Variants in SPAG16 observed in about 807,000 individuals in gnomAD.
SPAG16 encodes the protein sperm associated antigen 16, also known as sperm-associated antigen 16 protein.
Under a neutral mutation model 80.4 loss-of-function variants are expected in SPAG16, and 86 were observed. The ratio of observed to expected loss-of-function variants is 1.07; its 90% CI spans 0.90 to 1.28. SPAG16 has a LOEUF of 1.28. Among genes scored for constraint, SPAG16 ranks in the 50% most tolerant of loss-of-function variants. The pLI is 0.00. For synonymous variants in SPAG16, 294 were observed against 265.9 expected (o/e 1.11, Z -1.03); for missense variants, 870 against 765.3 (o/e 1.14, Z -1.61).
chr2:214,028,505 A>G (rs984612999), intron 13 of SPAG16, among the ~76,000 whole-genome samples: 2 of 152,034 alleles, frequency 1.3e-5, no homozygotes, highest in African/African-American at 2.4e-5. Context: ...ATGTGTTTGC[A>G]TGCTTTAGTC....
At chr2:213,478,066 A>G (rs1032631697) in intron 9 of SPAG16, among the ~76,000 whole-genome samples, 2 of 151,754 alleles carry the variant, frequency 1.3e-5, no homozygotes, top group Non-Finnish European at 2.9e-5. Context: ...TCTTGCACTC[A>G]CTCTGTCCTG....
Position 213,463,727 on chromosome 2 carries a change from G to A in SPAG16, c.943-26236G>A, listed in dbSNP as rs140625983. Among the ~76,000 whole-genome samples, 467 of 152,372 alleles carry A rather than the reference G, an allele frequency of 3.1e-3. 2 individuals carry two copies. Among genetic ancestry groups the A allele is most frequent in the African/African-American group, 0.01 (430 of 41,594 alleles). ...CCAGGCAGAAGTTTGCTGCAGGGGC[G>A]GAGCCCTCATGGAGAAACTCTGCTA... On this transcript the variant is annotated intron_variant, in intron 9 of 15. Transcript: ENST00000331683.
At chr2:213,322,905 TG>T (rs1425445203) in intron 5 of SPAG16, among the ~76,000 whole-genome samples, 2 of 152,082 alleles carry the variant, frequency 1.3e-5, no homozygotes, top group African/African-American at 4.8e-5. Flanking sequence ...GAAGACAGGT[TG>T]GCTTGTTAGA....
intron 9 of SPAG16, among the ~76,000 whole-genome samples, chr2:213,402,394 C>G (rs2068361434): frequency 6.6e-6 from 1 of 151,936 alleles, no homozygotes; most frequent in African/African-American, 2.4e-5. Flanking sequence ...TCCTTATGCT[C>G]AATTCCCAAA....
intron 13 of SPAG16, among the ~76,000 whole-genome samples, chr2:214,038,491 A>G (rs1167504046): frequency 1.3e-5 from 2 of 152,144 alleles, no homozygotes; most frequent in Non-Finnish European, 2.9e-5. Flanking sequence ...TACATATACT[A>G]AAAGCTTACC....
intron 8 of SPAG16, among the ~76,000 whole-genome samples, chr2:213,367,448 C>A (rs2066368801): frequency 6.6e-6 from 1 of 152,288 alleles, no homozygotes; most frequent in Non-Finnish European, 1.5e-5. Context: ...TCTCCAGCAC[C>A]TGTTGTTTCC....
At chr2:213,623,157 G>A (rs1170049005) in intron 10 of SPAG16, among the ~76,000 whole-genome samples, 1 of 152,148 alleles carries the variant, frequency 6.6e-6, no homozygotes, top group Middle Eastern at 3.2e-3. Flanking sequence ...AAAGCTAAAT[G>A]CAGAATTTGT....
intron 10 of SPAG16, among the ~76,000 whole-genome samples, chr2:213,788,903 G>A (rs2070512214): frequency 6.6e-6 from 1 of 151,710 alleles, no homozygotes; most frequent in Admixed American, 6.6e-5. Flanking sequence ...ATTTCCATAG[G>A]TAGAATCTTT....
chr2:213,951,878 A>C (rs939598192), intron 12 of SPAG16, among the ~76,000 whole-genome samples: 3 of 152,182 alleles, frequency 2.0e-5, no homozygotes, highest in African/African-American at 7.2e-5. Context: ...CCAAATATTA[A>C]AAACAAAGAC....
At chr2:213,763,146 A>C (rs1406501809) in intron 10 of SPAG16, among the ~76,000 whole-genome samples, 1 of 152,180 alleles carries the variant, frequency 6.6e-6, no homozygotes, top group African/African-American at 2.4e-5. Flanking sequence ...TTGTAAGGAT[A>C]TAGAGAAATC....
intron 13 of SPAG16, among the ~76,000 whole-genome samples, chr2:214,018,078 T>C (rs1225986338): frequency 9.9e-5 from 15 of 152,068 alleles, no homozygotes; most frequent in Admixed American, 9.8e-4. Context: ...AACTGGCATA[T>C]AATGCAAAGG....
intron 15 of SPAG16, among the ~76,000 whole-genome samples, chr2:214,405,803 TAAATA>T (rs1193049071): frequency 6.6e-6 from 1 of 152,062 alleles, no homozygotes; most frequent in African/African-American, 2.4e-5. Flanking sequence ...ATCTCAAAAA[TAAATA>T]AATAAAGAAA....
At chr2:214,181,848 GCTCT>G (rs35499878) in intron 15 of SPAG16, among the ~76,000 whole-genome samples, 25,809 of 151,616 alleles carry the variant, frequency 0.17, 2,679 homozygotes, top group Middle Eastern at 0.25. Context: ...TGGTTGAAAG[GCTCT>G]CTATCTACCA....
At chr2:213,711,577 C>T (rs2065989213) in intron 10 of SPAG16, among the ~76,000 whole-genome samples, 1 of 149,696 alleles carries the variant, frequency 6.7e-6, no homozygotes, top group Non-Finnish European at 1.5e-5. Flanking sequence ...GGCTGGAGTA[C>T]AATGGTGCAA....
At chr2:213,407,885 GAGAGAGAGAGA>G (rs1307120368) in intron 9 of SPAG16, among the ~76,000 whole-genome samples, 163 of 87,190 alleles carry the variant, frequency 1.9e-3, no homozygotes, top group African/African-American at 5.4e-3. Flanking sequence ...GAGAGAGGCA[GAGAGAGAGAGA>G]CAGGAGAGAG....
chr2:213,790,292 A>G (rs1324901977), intron 10 of SPAG16, among the ~76,000 whole-genome samples: 3 of 151,782 alleles, frequency 2.0e-5, no homozygotes, highest in Non-Finnish European at 3.0e-5. Flanking sequence ...CACTTCTATA[A>G]ACTTTTAACT....
intron 12 of SPAG16, among the ~76,000 whole-genome samples, chr2:213,977,122 G>A (rs1412387127): frequency 1.3e-5 from 2 of 152,010 alleles, no homozygotes; most frequent in Non-Finnish European, 2.9e-5. Context: ...GGGGATATGG[G>A]AGGGAACCAT....
intron 10 of SPAG16, among the ~76,000 whole-genome samples, chr2:213,822,239 AT>A (rs2072991390): frequency 6.6e-6 from 1 of 152,128 alleles, no homozygotes. Context: ...GATATAAGCC[AT>A]TTTAACTGGG....
intron 11 of SPAG16, among the ~76,000 whole-genome samples, chr2:213,885,439 A>G (rs1430829030): frequency 1.3e-5 from 2 of 152,156 alleles, no homozygotes; most frequent in African/African-American, 2.4e-5. Flanking sequence ...TGATTTGTGC[A>G]CATTGATTTT....
Sources: gnomAD v4.1 joint callset for allele counts (sites outside exome capture counted in the v4.1 genomes callset) on GRCh38, gnomAD v4.1.1 for gene constraint, MANE v1.5 for transcripts, NCBI Gene and HGNC (gene_info 2026-07-23, HGNC 2026-07-21) for gene names.